MARCHF1: variants seen among roughly 807,000 people sequenced by gnomAD.
MARCHF1 encodes the protein membrane associated ring-CH-type finger 1.
MARCHF1 carries 40 observed loss-of-function variants against 54.2 expected under a neutral mutation model. The observed-to-expected ratio is 0.74, with a 90% CI of 0.57 to 0.96. MARCHF1 has a LOEUF of 0.96. Among genes scored for constraint, MARCHF1 ranks in the 40% least tolerant of loss-of-function variants. The pLI is 0.00. For synonymous variants in MARCHF1, 236 were observed against 236.3 expected (o/e 1.00, Z 0.01); for missense variants, 586 against 656.5 (o/e 0.89, Z 1.17).
intron 3 of MARCHF1, among the ~76,000 whole-genome samples, chr4:163,904,763 A>AGAGACAGAGAGAGAGACAGAGAC (rs374872263): frequency 6.6e-6 from 1 of 151,466 alleles, no homozygotes; most frequent in African/African-American, 2.4e-5. Context: ...AGGAGAGAGA[A>AGAGACAGAGAGAGAGACAGAGAC]AGAGACAGAG....
intron 1 of MARCHF1, among the ~76,000 whole-genome samples, chr4:164,251,540 T>C (rs1447101581): frequency 2.0e-5 from 3 of 152,178 alleles, no homozygotes; most frequent in African/African-American, 7.2e-5. Context: ...CTTTAATACT[T>C]TAAAATTTTG....
chr4:164,245,360 C>T (rs1732913761), intron 1 of MARCHF1, among the ~76,000 whole-genome samples: 2 of 152,354 alleles, frequency 1.3e-5, no homozygotes, highest in South Asian at 2.1e-4. Flanking sequence ...ACATGATTAT[C>T]TCAATAGATG....
intron 1 of MARCHF1, among the ~76,000 whole-genome samples, chr4:164,150,150 A>G (rs945975852): frequency 1.3e-5 from 2 of 152,216 alleles, no homozygotes; most frequent in Non-Finnish European, 2.9e-5. Context: ...AATTACAGAG[A>G]TTAATTCCTA....
intron 3 of MARCHF1, among the ~76,000 whole-genome samples, chr4:163,929,972 AAT>A (rs1409435755): frequency 6.1e-5 from 7 of 115,678 alleles, no homozygotes; most frequent in African/African-American, 1.3e-4. Context: ...TAATATATAT[AAT>A]ATATATAATA....
At chr4:163,840,979 A>T (rs565672066) in intron 4 of MARCHF1, among the ~76,000 whole-genome samples, 164 of 4,202 alleles carry the variant, frequency 0.039, 2 homozygotes, top group Middle Eastern at 0.21. Context: ...CAATTTTTTA[A>T]AAAAAATCTC....
intron 1 of MARCHF1, among the ~76,000 whole-genome samples, chr4:164,256,582 C>T (rs533172293): frequency 2.0e-5 from 3 of 151,756 alleles, no homozygotes; most frequent in South Asian, 4.2e-4. Context: ...GAAAAATAAG[C>T]AAAGTATTAT....
intron 1 of MARCHF1, among the ~76,000 whole-genome samples, chr4:164,286,795 A>C (rs1159455367): frequency 2.0e-5 from 3 of 150,008 alleles, no homozygotes; most frequent in African/African-American, 7.3e-5. Context: ...AGGTTAACAT[A>C]AACTGTCCCA....
At chr4:164,236,422 G>C (rs929160936) in intron 1 of MARCHF1, among the ~76,000 whole-genome samples, 3 of 152,076 alleles carry the variant, frequency 2.0e-5, no homozygotes, top group African/African-American at 7.2e-5. Context: ...ACACATAGCA[G>C]CCTTCTTGTG....
At chr4:164,343,669 C>T (rs1432802387) in intron 1 of MARCHF1, among the ~76,000 whole-genome samples, 3 of 152,092 alleles carry the variant, frequency 2.0e-5, no homozygotes, top group East Asian at 3.9e-4. Context: ...ATAAAAACCA[C>T]AATGAGATAC....
At chr4:164,226,819 T>G (rs1732268156) in intron 1 of MARCHF1, among the ~76,000 whole-genome samples, 1 of 152,046 alleles carries the variant, frequency 6.6e-6, no homozygotes, top group Admixed American at 6.6e-5. Context: ...CCTAGTGAAA[T>G]TTTTTACCCA....
At chr4:163,686,569 C>G (rs72993117) in intron 5 of MARCHF1, among the ~76,000 whole-genome samples, 1,949 of 151,316 alleles carry the variant, frequency 0.013, 47 homozygotes, top group African/African-American at 0.043. Context: ...ATATACTTAT[C>G]AAACTATATA....
chr4:164,348,808 T>C (rs1227859560), intron 1 of MARCHF1, among the ~76,000 whole-genome samples: 2 of 152,146 alleles, frequency 1.3e-5, no homozygotes, highest in Non-Finnish European at 2.9e-5. Context: ...AGTTCATCCA[T>C]ACACACTCAA....
chr4:164,032,484 T>C (rs761009661), intron 2 of MARCHF1, among the ~76,000 whole-genome samples: 3 of 152,194 alleles, frequency 2.0e-5, no homozygotes, highest in Non-Finnish European at 4.4e-5. Flanking sequence ...GCTATAAATT[T>C]TCCACTTAAC....
intron 2 of MARCHF1, among the ~76,000 whole-genome samples, chr4:164,060,917 C>CA (rs1442400583): frequency 6.6e-6 from 1 of 152,112 alleles, no homozygotes; most frequent in East Asian, 1.9e-4. Context: ...CAATTACTAA[C>CA]AAAATGTTGA....
At chr4:163,983,919 G>A (rs1418403834) in intron 3 of MARCHF1, among the ~76,000 whole-genome samples, 1 of 150,192 alleles carries the variant, frequency 6.7e-6, no homozygotes, top group Non-Finnish European at 1.5e-5. Context: ...GACTAAATAT[G>A]TTTTTTTAAC....
intron 2 of MARCHF1, among the ~76,000 whole-genome samples, chr4:164,005,621 C>G (rs1413917585): frequency 6.6e-6 from 1 of 152,084 alleles, no homozygotes; most frequent in Non-Finnish European, 1.5e-5. Context: ...GAGACCTGTC[C>G]CTGCCTTACC....
chr4:164,257,063 A>G (rs1327906496), intron 1 of MARCHF1, among the ~76,000 whole-genome samples: 1 of 152,152 alleles, frequency 6.6e-6, no homozygotes, highest in Admixed American at 6.6e-5. Flanking sequence ...ATTTATCCTT[A>G]TGAAGAAGTC....
intron 5 of MARCHF1, among the ~76,000 whole-genome samples, chr4:163,690,061 C>A (rs78832495): frequency 0.02 from 3,045 of 152,110 alleles, 40 homozygotes; most frequent in Non-Finnish European, 0.031. Flanking sequence ...TGTCAAGAGA[C>A]CTGAGCTGTC....
rs1752975885 is a variant in MARCHF1 at position 163,992,034 on chromosome 4, T to A, written c.-247-3325A>T. ...AGAAAAATATGCATCTCTGGTAGCATAAGACCAGCTTGATCTTTGTCAGCT... is the reference window on the plus strand; with the variant it reads ...AGAAAAATATGCATCTCTGGTAGCAAAAGACCAGCTTGATCTTTGTCAGCT... On this transcript the variant is annotated intron_variant, in intron 2 of 9. Transcript: ENST00000514618. Among the ~76,000 whole-genome samples the A allele has an allele frequency of 3.2e-5, 3 of 94,130 alleles. No homozygotes were observed. In the South Asian group the frequency reaches 1.0e-3, roughly 32 times the overall value. 61.8% of individuals were successfully genotyped at this position (94,130 alleles called of 152,430 possible). A position where few individuals can be genotyped will look rare whatever the true frequency, so the allele number is the denominator to read the frequency against.
Sources: allele counts gnomAD v4.1 joint callset (sites outside exome capture counted in the v4.1 genomes callset), GRCh38; gene constraint gnomAD v4.1.1; transcripts MANE v1.5; gene names NCBI Gene and HGNC (gene_info 2026-07-23, HGNC 2026-07-21).